Variants in DSCAM observed in about 807,000 individuals in gnomAD.
DSCAM encodes cell adhesion molecule DSCAM.
Under a neutral mutation model 217.7 loss-of-function variants are expected in DSCAM, and 47 were observed. That is an observed-to-expected ratio of 0.22 (90% confidence interval 0.17 to 0.28). The LOEUF (loss-of-function observed/expected upper bound fraction) is 0.28, where lower values mean the gene tolerates loss of function less well. Among genes scored for constraint, DSCAM ranks in the 10% least tolerant of loss-of-function variants. The pLI, the probability that DSCAM is intolerant of heterozygous loss-of-function variation, is 1.00. For synonymous variants in DSCAM, 1,056 were observed against 1,015.3 expected (o/e 1.04, Z -0.76); for missense variants, 2,080 against 2,618.3 (o/e 0.79, Z 4.49).
At chr21:40,043,463 T>G (rs1419099935) in intron 31 of DSCAM, among the ~76,000 whole-genome samples, 1 of 152,248 alleles carries the variant, frequency 6.6e-6, no homozygotes, top group African/African-American at 2.4e-5. Flanking sequence ...AGTATTAAAA[T>G]TTCCTACAGC....
intron 1 of DSCAM, among the ~76,000 whole-genome samples, chr21:40,824,474 A>G (rs1196150865): frequency 6.8e-6 from 1 of 146,630 alleles, no homozygotes; most frequent in African/African-American, 2.6e-5. Flanking sequence ...CAGTGGCACA[A>G]ACATGGTTTT....
chr21:40,462,310 G>A (rs374301291), intron 3 of DSCAM, among the ~76,000 whole-genome samples: 2 of 152,230 alleles, frequency 1.3e-5, no homozygotes, highest in East Asian at 3.9e-4. Flanking sequence ...CCTGAGAATG[G>A]GTTAGCAAAT....
chr21:40,674,632 C>CTTTT (rs869046725), intron 3 of DSCAM, among the ~76,000 whole-genome samples: 2 of 51,994 alleles, frequency 3.8e-5, no homozygotes, highest in Non-Finnish European at 7.9e-5. Flanking sequence ...TTTTCTTTTT[C>CTTTT]TTTTTTTTTT....
rs1383101531 is a variant in DSCAM at position 40,659,375 on chromosome 21, AT to A, written c.508+33434del. ...TGAGTATCTATCTATCTATCTATCT[AT>A]CTATCTATCTATCTATCATCTCTCT... On this transcript the variant is annotated intron_variant, in intron 3 of 32. Coordinates refer to ENST00000400454, the MANE Select transcript of DSCAM (RefSeq NM_001389.5). Among the ~76,000 whole-genome samples the A allele has an allele frequency of 3.0e-3, 439 of 146,984 alleles. 2 individuals are homozygous for A. The highest frequency in any genetic ancestry group is 0.011 in the African/African-American group (420 of 37,054).
At chr21:40,741,037 G>A (rs1471551134) in intron 1 of DSCAM, among the ~76,000 whole-genome samples, 3 of 152,152 alleles carry the variant, frequency 2.0e-5, no homozygotes, top group African/African-American at 7.2e-5. Context: ...GGGGGCATAG[G>A]AATAAGATGA....
chr21:40,621,944 AAAGAAAGGAAGGAAGG>A (rs2089524226), intron 3 of DSCAM, among the ~76,000 whole-genome samples: 1 of 145,394 alleles, frequency 6.9e-6, no homozygotes, highest in African/African-American at 2.5e-5. Flanking sequence ...AAGGAAGAAA[AAAGAAAGGAAGGAAGG>A]AAAGAAAGGA....
rs528193281 is a variant in DSCAM at position 40,613,804 on chromosome 21, G to GA, written c.508+79005dup. On this transcript the variant is annotated intron_variant, in intron 3 of 32. Transcript: ENST00000400454. ...GATGGGCTATAATTTAGCAGAGAAG[G>GA]AAAAAAAAAAAAGGCAATCCAATTA... Among the ~76,000 whole-genome samples the GA allele has an allele frequency of 5.3e-3, 731 of 138,408 alleles. 3 individuals are homozygous for GA. Among genetic ancestry groups the GA allele is most frequent in the African/African-American group, 0.014 (524 of 37,672 alleles). 90.8% of individuals were successfully genotyped at this position (138,408 alleles called of 152,430 possible).
intron 3 of DSCAM, among the ~76,000 whole-genome samples, chr21:40,550,241 C>G (rs2076618643): frequency 6.6e-6 from 1 of 152,096 alleles, no homozygotes; most frequent in East Asian, 1.9e-4. Context: ...AAATATTTTA[C>G]TAGTCGGGCG....
intron 3 of DSCAM, among the ~76,000 whole-genome samples, chr21:40,551,922 G>C (rs571245228): frequency 6.6e-6 from 1 of 152,198 alleles, no homozygotes; most frequent in East Asian, 1.9e-4. Flanking sequence ...TGGCCAAGAG[G>C]GTGTGTCCAT....
chr21:40,043,616 C>G (rs11910991), intron 31 of DSCAM, among the ~76,000 whole-genome samples: 1,845 of 152,176 alleles, frequency 0.012, 36 homozygotes, highest in African/African-American at 0.042. Flanking sequence ...TATAACCAAC[C>G]CCTGTTTAAT....
intron 3 of DSCAM, among the ~76,000 whole-genome samples, chr21:40,648,383 C>T (rs1264604759): frequency 1.3e-5 from 2 of 151,946 alleles, no homozygotes; most frequent in African/African-American, 4.8e-5. Context: ...CTCGTTTGGG[C>T]AGATGTCCCA....
At chr21:40,566,894 G>A (rs2076768903) in intron 3 of DSCAM, among the ~76,000 whole-genome samples, 1 of 152,066 alleles carries the variant, frequency 6.6e-6, no homozygotes, top group South Asian at 2.1e-4. Flanking sequence ...TTGGCCCTCT[G>A]TGAGACACAG....
At chr21:40,076,638 A>G (rs1414726891) in intron 26 of DSCAM, among the ~76,000 whole-genome samples, 1 of 152,382 alleles carries the variant, frequency 6.6e-6, no homozygotes, top group Non-Finnish European at 1.5e-5. Flanking sequence ...AGAAAATTAT[A>G]TCTTTTCTTA....
At chr21:40,348,858 C>T (rs2123631365) in intron 5 of DSCAM, among the ~76,000 whole-genome samples, 1 of 152,148 alleles carries the variant, frequency 6.6e-6, no homozygotes, top group South Asian at 2.1e-4. Context: ...ATAAGAGATA[C>T]AGGCCAGGCA....
chr21:40,710,956 C>T (rs774983610), intron 1 of DSCAM, among the ~76,000 whole-genome samples: 8 of 150,544 alleles, frequency 5.3e-5, no homozygotes, highest in Non-Finnish European at 8.9e-5. Flanking sequence ...ACAACAGCTC[C>T]GCTAGGTAAA....
intron 20 of DSCAM, among the ~76,000 whole-genome samples, chr21:40,098,400 T>A (rs2089709679): frequency 6.6e-6 from 1 of 152,182 alleles, no homozygotes; most frequent in Non-Finnish European, 1.5e-5. Flanking sequence ...TGGAGCTGGA[T>A]CCATTTTATA....
intron 6 of DSCAM, among the ~76,000 whole-genome samples, chr21:40,342,367 G>A (rs533983250): frequency 4.2e-4 from 63 of 151,746 alleles, no homozygotes; most frequent in African/African-American, 1.5e-3. Flanking sequence ...ATGTATTTGT[G>A]TTGACATTTA....
At chr21:40,841,685 A>G (rs950404262) in intron 1 of DSCAM, among the ~76,000 whole-genome samples, 1 of 152,052 alleles carries the variant, frequency 6.6e-6, no homozygotes, top group Non-Finnish European at 1.5e-5. Context: ...CGGCTCCTGG[A>G]ATGACATTGG....
chr21:40,369,386 G>C (rs930511390), intron 3 of DSCAM, 141 bp from the exon 4 acceptor site: 1 of 133,680 alleles, frequency 7.5e-6, no homozygotes, highest in South Asian at 8.1e-5. Context: ...GTGCGTCTGC[G>C]TGTGTGTGTG....
Sources: gnomAD v4.1 joint callset for allele counts (sites outside exome capture counted in the v4.1 genomes callset) on GRCh38, gnomAD v4.1.1 for gene constraint, MANE v1.5 for transcripts, NCBI Gene and HGNC (gene_info 2026-07-23, HGNC 2026-07-21) for gene names.